Variants in DOCK5 observed in about 807,000 individuals in gnomAD.
The protein encoded by DOCK5 is dedicator of cytokinesis protein 5.
DOCK5 carries 142 observed loss-of-function variants against 251.8 expected under a neutral mutation model. The observed-to-expected ratio is 0.56, with a 90% confidence interval of 0.49 to 0.65. DOCK5 has a LOEUF of 0.65. DOCK5 is among the 30% of genes least tolerant of loss of function. The pLI is 0.00. For synonymous variants in DOCK5, 842 were observed against 835.5 expected (o/e 1.01, Z -0.13); for missense variants, 2,111 against 2,312.3 (o/e 0.91, Z 1.79).
At chr8:25,333,899 T>C (rs376691758) in intron 20 of DOCK5, among the ~76,000 whole-genome samples, 197 bp from the exon 21 acceptor site, 2 of 152,162 alleles carry the variant, frequency 1.3e-5, no homozygotes, top group East Asian at 1.9e-4. Flanking sequence ...ACATAGTGCC[T>C]GACACATAAT....
intron 5 of DOCK5, among the ~76,000 whole-genome samples, chr8:25,280,972 GT>G (rs74728067): frequency 4.9e-3 from 675 of 138,578 alleles, no homozygotes; most frequent in Middle Eastern, 0.02. Flanking sequence ...TGGGAAAGGA[GT>G]TTTTTTTTTT....
At chr8:25,308,452 G>A (rs780563367) in intron 11 of DOCK5, among the ~76,000 whole-genome samples, 4 of 151,972 alleles carry the variant, frequency 2.6e-5, no homozygotes, top group Admixed American at 6.5e-5. Context: ...TGCCCCTTCC[G>A]TGGGTGCTCT....
chr8:25,275,581 TC>T, intron 4 of DOCK5, 140 bp downstream of exon 4: 1 of 808,526 alleles, frequency 1.2e-6, no homozygotes, highest in Non-Finnish European at 1.9e-6. Flanking sequence ...ACGCCTGTAA[TC>T]CCAGCACTTT....
chr8:25,373,647 C>A lies in DOCK5; in HGVS notation c.3714C>A (p.Asp1238Glu). The A allele has an allele frequency of 6.3e-7, 1 of 1,595,702 alleles. No homozygotes were observed. Among genetic ancestry groups the A allele is most frequent in the Non-Finnish European group, 8.5e-7 (1 of 1,170,782 alleles). ...LNFYKEKKRE[D>E]IYIRYLYKLR... ...TTTATAAAGAAAAGAAGAGAGAGGA[C>A]ATATACATAAGGTAAGCTGAAGGAA... is the stretch of plus-strand genomic sequence containing the variant. Residue 1238 changes from aspartate to glutamate, a missense_variant, in exon 36 of 52, where the codon GAC becomes GAA. This residue lies in a region of DOCK5 where 1,717 missense variants were observed against 1,892.4 expected (regional missense o/e 0.91). Coordinates refer to ENST00000276440, the MANE Select transcript of DOCK5 (RefSeq NM_024940.8).
chr8:25,340,856 T>C, intron 22 of DOCK5, 21 bp from the exon 23 acceptor site: 1 of 1,602,112 alleles, frequency 6.2e-7, no homozygotes, highest in East Asian at 2.2e-5. Flanking sequence ...GTCCAACTGC[T>C]TTTGTCTTTT....
chr8:25,394,157 G>A (rs1335388431), intron 44 of DOCK5, among the ~76,000 whole-genome samples: 1 of 152,154 alleles, frequency 6.6e-6, no homozygotes, highest in African/African-American at 2.4e-5. Context: ...GGAGTTGGAG[G>A]TTACAGTGAG....
intron 14 of DOCK5, among the ~76,000 whole-genome samples, chr8:25,318,204 T>G (rs1805312125): frequency 6.6e-6 from 1 of 152,020 alleles, no homozygotes; most frequent in Non-Finnish European, 1.5e-5. Context: ...TTCTCCTGCC[T>G]CAGCCTCTGG....
intron 18 of DOCK5, among the ~76,000 whole-genome samples, chr8:25,327,230 C>G (rs185144713): frequency 9.2e-5 from 14 of 152,170 alleles, no homozygotes; most frequent in Non-Finnish European, 1.9e-4. Flanking sequence ...ACACAGAAAA[C>G]GATGAATAGG....
At chr8:25,330,067 G>A (rs1805648439) in intron 18 of DOCK5, among the ~76,000 whole-genome samples, 1 of 152,128 alleles carries the variant, frequency 6.6e-6, no homozygotes, top group South Asian at 2.1e-4. Context: ...GAAGCTGCTG[G>A]GTGAATATTC....
chr8:25,278,552 C>G lies in DOCK5; in HGVS notation c.225-17C>G. ...GATCAGCCTAGAAGAAAGTGACCCT[C>G]GTTTGGTTCTTTGTAGGCAGCATGA... On this transcript the variant is annotated splice_polypyrimidine_tract_variant and intron_variant, in intron 4 of 51. Transcript: ENST00000276440. The G allele has an allele frequency of 3.1e-6, 5 of 1,613,018 alleles. No individual in the cohort carries two copies. The highest frequency in any genetic ancestry group is 4.2e-6 in the Non-Finnish European group (5 of 1,179,110).
intron 47 of DOCK5, 130 bp from the exon 48 acceptor site, chr8:25,403,428 A>C (rs1801470905): frequency 1.1e-6 from 1 of 920,538 alleles, no homozygotes; most frequent in Non-Finnish European, 1.7e-6. Context: ...CCAACCAATC[A>C]GAATGGGGTG....
Position 25,263,211 on chromosome 8 carries a change from G to A in DOCK5, c.128-5634G>A, listed in dbSNP as rs551666989. Among the ~76,000 whole-genome samples the A allele has an allele frequency of 2.1e-4, 23 of 111,558 alleles. No individual in the cohort carries two copies. The South Asian group carries it at 7.4e-3, about 36-fold the overall frequency. The allele number at this position is 111,558 out of a possible 152,430, so 73.2% of individuals were successfully genotyped here. ...TCTTGGATTCATTCCTCATGGGACC[G>A]TCTGTCCTCCTCCCTTGTTTGGGAC... On this transcript the variant is annotated intron_variant, in intron 2 of 51. Coordinates refer to ENST00000276440, the MANE Select transcript of DOCK5 (RefSeq NM_024940.8).
chr8:25,403,095 A>G (rs369027004), intron 47 of DOCK5, among the ~76,000 whole-genome samples: 11 of 152,280 alleles, frequency 7.2e-5, no homozygotes, highest in Middle Eastern at 3.4e-3. Flanking sequence ...TCTGGGGGTA[A>G]TCCTACTGGT....
chr8:25,317,757 C>A (rs1181932520), intron 14 of DOCK5, among the ~76,000 whole-genome samples: 1 of 152,176 alleles, frequency 6.6e-6, no homozygotes, highest in African/African-American at 2.4e-5. Flanking sequence ...ACTACAAGCG[C>A]CCACCACCAC....
chr8:25,403,639 T>C lies in DOCK5; in HGVS notation c.5008T>C (p.Leu1670=), dbSNP rs1563232769. ...CATCATGTCTTCCACTCTGCGGAGG[T>C]TGTCCATCACCTCAGTCACTTCCTC... The part of the protein sequence containing the change: ...PYIMSSTLRR[L]SITSVTSSVV... The change falls in exon 48 of 52, where the codon TTG becomes CTG. Residue 1670 remains leucine (L), a synonymous_variant. Coordinates refer to ENST00000276440, the MANE Select transcript of DOCK5 (RefSeq NM_024940.8). 10 of 1,613,930 alleles carry C rather than the reference T, an allele frequency of 6.2e-6. No individual in the cohort carries two copies. Among genetic ancestry groups the C allele is most frequent in the Non-Finnish European group, 6.8e-6 (8 of 1,179,866 alleles).
chr8:25,373,478 T>C (rs1234043558), intron 35 of DOCK5, 140 bp from the exon 36 acceptor site: 1 of 784,210 alleles, frequency 1.3e-6, no homozygotes, highest in Non-Finnish European at 2.1e-6. Flanking sequence ...CCTTTTCTTA[T>C]GGGGATATTT....
chr8:25,373,434 C>G (rs182506051), intron 35 of DOCK5, among the ~76,000 whole-genome samples, 184 bp from the exon 36 acceptor site: 1 of 152,178 alleles, frequency 6.6e-6, no homozygotes, highest in Non-Finnish European at 1.5e-5. Context: ...CATTATATCA[C>G]TCTTGTGCTT....
chr8:25,241,273 G>A (rs549717080), intron 1 of DOCK5, among the ~76,000 whole-genome samples: 93 of 152,182 alleles, frequency 6.1e-4, no homozygotes, highest in Middle Eastern at 3.4e-3. Context: ...TTAGGAGATC[G>A]AGACCATCCT....
chr8:25,276,740 C>T (rs912415717), intron 4 of DOCK5, among the ~76,000 whole-genome samples: 3 of 152,068 alleles, frequency 2.0e-5, no homozygotes, highest in Non-Finnish European at 2.9e-5. Context: ...AATGGCAATT[C>T]CACTTAAAAT....
Sources: allele counts gnomAD v4.1 joint callset (sites outside exome capture counted in the v4.1 genomes callset), GRCh38; gene constraint gnomAD v4.1.1; regional missense constraint gnomAD v4.1.1; transcripts MANE v1.5; gene names NCBI Gene and HGNC (gene_info 2026-07-23, HGNC 2026-07-21).